TSKS: variants seen among roughly 807,000 people sequenced by gnomAD.
TSKS encodes testis-specific serine kinase substrate.
TSKS carries 27 observed loss-of-function variants against 68.0 expected under a neutral mutation model. That is an observed-to-expected ratio of 0.40 (90% CI 0.29 to 0.55). The LOEUF is 0.55. Among genes scored for constraint, TSKS ranks in the 20% least tolerant of loss-of-function variants. The probability of loss-of-function intolerance (pLI) is 0.53; values close to 1 mark genes in which losing one functional copy is unlikely to be tolerated. For missense variants in TSKS, 806 were observed against 776.0 expected, an observed-to-expected ratio of 1.04 and a Z score of -0.46; for synonymous variants, 331 against 340.4, an observed-to-expected ratio of 0.97 and a Z score of 0.30.
intron 2 of TSKS, among the ~76,000 whole-genome samples, chr19:49,755,794 A>G (rs2084387876): frequency 6.6e-6 from 1 of 152,138 alleles, no homozygotes; most frequent in African/African-American, 2.4e-5. Context: ...TGAGGTTAGG[A>G]GTTTGAAACC....
At chr19:49,746,836 C>A (rs754615479) in intron 5 of TSKS, 38 bp from the exon 6 acceptor site, 10 of 1,581,572 alleles carry the variant, frequency 6.3e-6, no homozygotes, top group Non-Finnish European at 7.7e-6. Context: ...AGCGTCCAGC[C>A]GCTTTCCTCC....
chr19:49,740,334 C>A, intron 9 of TSKS, 151 bp from the exon 10 acceptor site: 1 of 908,990 alleles, frequency 1.1e-6, no homozygotes. Flanking sequence ...GAGACTGACC[C>A]CAGCATCCCA....
At position 49,746,706 on chromosome 19, in the gene TSKS, C is replaced by A; in HGVS notation, c.756G>T (p.Pro252=). The part of the protein sequence containing the change: ...ELQEPEEKQE[P]EEKQEPEEKQ... Reference sequence around the variant, plus strand: ...TCTCCTCCGGCTCCTGCTTCTCCTCCGGCTCCTGCTTCTCCTCCGGCTCCT... The same window carrying A: ...TCTCCTCCGGCTCCTGCTTCTCCTCAGGCTCCTGCTTCTCCTCCGGCTCCT... Residue 252 remains proline (P), a synonymous_variant, in exon 6 of 11, where the codon CCG becomes CCT. Coordinates refer to ENST00000246801, the MANE Select transcript of TSKS (RefSeq NM_021733.2). 1.2e-6 allele frequency: 2 copies of A among 1,601,748 alleles called. No individual in the cohort carries two copies. The highest frequency in any genetic ancestry group is 1.7e-6 in the Non-Finnish European group (2 of 1,178,146).
In TSKS at chr19:49,758,005, C is replaced by T. The variant is rs537287435; in HGVS notation, c.399+3999G>A. On this transcript the variant is annotated intron_variant, in intron 2 of 10. Coordinates refer to ENST00000246801, the MANE Select transcript of TSKS (RefSeq NM_021733.2). ...TCCCGAGTTCAAGCGATTCTCCTGC[C>T]TCAGCCTCCCGAGTAGCTGGGATTA... Among the ~76,000 whole-genome samples the T allele has an allele frequency of 2.2e-4, 33 of 151,886 alleles. 1 individual carries two copies. Among genetic ancestry groups the T allele is most frequent in the Admixed American group, 1.9e-3 (29 of 15,240 alleles).
At chr19:49,746,894 G>A in intron 5 of TSKS, 96 bp from the exon 6 acceptor site, 1 of 1,527,738 alleles carries the variant, frequency 6.5e-7, no homozygotes, top group South Asian at 1.2e-5. Context: ...CCCGAGATTG[G>A]AAGTAGAACG....
At chr19:49,759,945 G>A (rs1226452337) in intron 2 of TSKS, among the ~76,000 whole-genome samples, 1 of 151,150 alleles carries the variant, frequency 6.6e-6, no homozygotes, top group Non-Finnish European at 1.5e-5. Flanking sequence ...CTGAGGTCAG[G>A]AGTTCGAGAC....
chr19:49,750,528 A>G (rs2123615462), intron 2 of TSKS, among the ~76,000 whole-genome samples: 1 of 152,204 alleles, frequency 6.6e-6, no homozygotes, highest in African/African-American at 2.4e-5. Context: ...AAGTGCTGGG[A>G]TTACAGGCGT....
chr19:49,756,442 G>T (rs2084393190), intron 2 of TSKS, among the ~76,000 whole-genome samples: 1 of 151,760 alleles, frequency 6.6e-6, no homozygotes, highest in African/African-American at 2.4e-5. Context: ...CTGGGCAATG[G>T]AGCAAGACTC....
intron 2 of TSKS, among the ~76,000 whole-genome samples, chr19:49,756,156 G>A (rs1356284844): frequency 6.6e-6 from 1 of 152,104 alleles, no homozygotes; most frequent in East Asian, 1.9e-4. Flanking sequence ...GGAATGCAAG[G>A]TTGGTTCAAC....
intron 2 of TSKS, among the ~76,000 whole-genome samples, chr19:49,761,239 T>C (rs1018206683): frequency 2.6e-5 from 4 of 152,206 alleles, no homozygotes; most frequent in Non-Finnish European, 4.4e-5. Flanking sequence ...ATTGTTAATG[T>C]GGTTCTCAGT....
chr19:49,760,963 C>G (rs2084435547), intron 2 of TSKS, among the ~76,000 whole-genome samples: 1 of 152,072 alleles, frequency 6.6e-6, no homozygotes, highest in Non-Finnish European at 1.5e-5. Flanking sequence ...TGGCACATGC[C>G]TGTAGTCCCA....
chr19:49,739,987 G>C, intron 10 of TSKS, 55 bp from the exon 11 acceptor site: 2 of 1,609,766 alleles, frequency 1.2e-6, no homozygotes, highest in Non-Finnish European at 1.7e-6. Flanking sequence ...TGGGGTGTTG[G>C]AGTGGAAGGG....
chr19:49,746,633 C>T lies in TSKS; in HGVS notation c.829G>A (p.Ala277Thr), dbSNP rs773537656. The T allele has an allele frequency of 6.2e-7, 1 of 1,609,324 alleles. No homozygotes were observed. Among genetic ancestry groups the T allele is most frequent in the South Asian group, 1.1e-5 (1 of 91,026 alleles). The change falls in exon 6 of 11, where the codon GCC (alanine) becomes ACC (threonine). Residue 277 changes from alanine (A) to threonine (T), a missense_variant. Coordinates refer to ENST00000246801, the MANE Select transcript of TSKS (RefSeq NM_021733.2). ...GLSWNSLGPA[A>T]TSQGCPGPPG... ...GGGCCGGGGCAGCCCTGGGACGTGG[C>T]GGCGGGGCCCAGGCTGTTCCAGGAG...
At chr19:49,748,959 A>G (rs2084325978) in intron 2 of TSKS, among the ~76,000 whole-genome samples, 1 of 152,096 alleles carries the variant, frequency 6.6e-6, no homozygotes, top group Admixed American at 6.6e-5. Context: ...GCTACTTGGG[A>G]GGCTGAGGCA....
intron 1 of TSKS, 78 bp from the exon 2 acceptor site, chr19:49,762,310 C>T (rs1295372875): frequency 1.8e-6 from 2 of 1,097,818 alleles, no homozygotes; most frequent in Admixed American, 4.2e-5. Flanking sequence ...TTTCTCCATA[C>T]CTCACCCCCT....
intron 9 of TSKS, among the ~76,000 whole-genome samples, chr19:49,741,151 C>T (rs978640511): frequency 1.4e-4 from 22 of 152,118 alleles, no homozygotes; most frequent in African/African-American, 5.1e-4. Context: ...GCACTCCAGC[C>T]TGGGCGACAG....
chr19:49,750,220 T>A (rs2084337703), intron 2 of TSKS, among the ~76,000 whole-genome samples: 1 of 152,114 alleles, frequency 6.6e-6, no homozygotes, highest in Admixed American at 6.6e-5. Flanking sequence ...TGTGTTTTTT[T>A]GTTACAGTAG....
chr19:49,754,407 G>A (rs2084377049), intron 2 of TSKS, among the ~76,000 whole-genome samples: 1 of 151,694 alleles, frequency 6.6e-6, no homozygotes, highest in South Asian at 2.1e-4. Flanking sequence ...GCTGAGTCAG[G>A]AAAATCGCTT....
In TSKS at chr19:49,759,923, G is replaced by A. The variant is rs190867703; in HGVS notation, c.399+2081C>T. 4.6e-5 allele frequency among the ~76,000 whole-genome samples: 7 copies of A among 152,192 alleles called. No individual in the cohort carries two copies. The South Asian group carries it at 1.5e-3, about 32-fold the overall frequency. On this transcript the variant is annotated intron_variant, in intron 2 of 10. Transcript: ENST00000246801. ...AATCCTAGCACTTTGGGAGGCTGAGGTGGGCGGTCATCTGAGGTCAGGAGT... is the reference window on the plus strand; with the variant it reads ...AATCCTAGCACTTTGGGAGGCTGAGATGGGCGGTCATCTGAGGTCAGGAGT...
Sources: allele counts gnomAD v4.1 joint callset (sites outside exome capture counted in the v4.1 genomes callset), GRCh38; gene constraint gnomAD v4.1.1; transcripts MANE v1.5; gene names NCBI Gene and HGNC (gene_info 2026-07-23, HGNC 2026-07-21).